Variants in PDE1C observed in about 807,000 individuals in gnomAD.
PDE1C encodes the protein dual specificity calcium/calmodulin-dependent 3',5'-cyclic nucleotide phosphodiesterase 1C.
PDE1C carries 62 observed loss-of-function variants against 93.1 expected under a neutral mutation model. The ratio of observed to expected loss-of-function variants is 0.67; its 90% CI spans 0.54 to 0.82. The LOEUF is 0.82. PDE1C is among the 40% of genes least tolerant of loss of function. The probability of loss-of-function intolerance (pLI) is 0.00; values close to 1 mark genes in which losing one functional copy is unlikely to be tolerated. For missense variants in PDE1C, 742 were observed against 884.6 expected, an observed-to-expected ratio of 0.84 and a Z score of 2.04; for synonymous variants, 325 against 310.1, an observed-to-expected ratio of 1.05 and a Z score of -0.50.
intron 5 of PDE1C, among the ~76,000 whole-genome samples, chr7:31,875,892 T>G (rs1205311713): frequency 7.0e-6 from 1 of 143,432 alleles, no homozygotes; most frequent in Admixed American, 7.1e-5. Context: ...ACTGATTCAT[T>G]ACTATCTTAC....
chr7:32,049,322 C>T (rs953741941), intron 2 of PDE1C, among the ~76,000 whole-genome samples: 3 of 152,150 alleles, frequency 2.0e-5, no homozygotes, highest in African/African-American at 7.2e-5. Flanking sequence ...GACTCGTGCA[C>T]TCTATGCTGC....
intron 8 of PDE1C, among the ~76,000 whole-genome samples, chr7:31,848,513 T>C (rs570813449): frequency 6.6e-6 from 1 of 152,292 alleles, no homozygotes; most frequent in East Asian, 1.9e-4. Flanking sequence ...TCAGAACACA[T>C]ATCACCTGGT....
chr7:32,211,102 G>C (rs186364909), intron 1 of PDE1C, among the ~76,000 whole-genome samples: 134 of 152,190 alleles, frequency 8.8e-4, no homozygotes, highest in Non-Finnish European at 1.6e-3. Context: ...CCAGCTACTC[G>C]GGAGGCTGAG....
At position 31,751,206 on chromosome 7, in the gene PDE1C, G is replaced by A. The variant is rs971858693; in HGVS notation, c.*2178C>T. On this transcript the variant is annotated 3_prime_UTR_variant, in exon 18 of 18. Coordinates refer to ENST00000396191, the MANE Select transcript of PDE1C (RefSeq NM_001191057.4). ...TGTTAAAAGCATCTTTTTATTTGCT[G>A]TAAGAATATAATCTGCATTTCTATA... 6.6e-6 allele frequency: 1 copy of A among 152,124 alleles called. No individual in the cohort carries two copies. The highest frequency in any genetic ancestry group is 2.4e-5 in the African/African-American group (1 of 41,420). The allele number at this position is 152,124 out of a possible 1,614,324, so 9.4% of individuals were successfully genotyped here. A position where few individuals can be genotyped will look rare whatever the true frequency, so the allele number is the denominator to read the frequency against.
intron 3 of PDE1C, among the ~76,000 whole-genome samples, chr7:32,168,784 T>C (rs1490980371): frequency 6.6e-6 from 1 of 152,216 alleles, no homozygotes; most frequent in Non-Finnish European, 1.5e-5. Flanking sequence ...AACTCATCTG[T>C]AATTCAATCA....
At chr7:32,071,052 G>T (rs1457094704), upstream of PDE1C, 2 of 985,484 alleles carry the variant, frequency 2.0e-6, no homozygotes, top group East Asian at 1.1e-4. Flanking sequence ...CTGGTGTCTG[G>T]GCTGTCACCG....
intron 3 of PDE1C, chr7:32,077,788 C>CT: frequency 1.2e-6 from 1 of 856,768 alleles, no homozygotes; most frequent in East Asian, 1.2e-4. Flanking sequence ...CCAGGCTGGT[C>CT]TTTAACTCCT....
At chr7:31,636,731 T>C in the PDE1C span, among the ~76,000 whole-genome samples, 1 of 151,600 alleles carries the variant, frequency 6.6e-6, no homozygotes. Context: ...TTTTTAAAAA[T>C]TTTATTATTA....
chr7:31,655,976 A>G, the PDE1C span: 1 of 985,364 alleles, frequency 1.0e-6, no homozygotes, highest in Non-Finnish European at 1.2e-6. Flanking sequence ...CTATTCCCCT[A>G]AACCACCTCC....
chr7:31,865,031 T>C lies in PDE1C; in HGVS notation c.661A>G (p.Ser221Gly), dbSNP rs747912891. The stretch of plus-strand genomic sequence containing the variant: ...TTATGGTAAGGATTTTTGTGCTTGC[T>C]GTATCCCACTTCCAGGGCCTCCACA... The part of the protein sequence containing the change: ...SFVEALEVGY[S>G]KHKNPYHNLM... Residue 221 changes from serine (S) to glycine (G), a missense_variant, in exon 7 of 18, where the codon AGC (serine) becomes GGC (glycine). Coordinates refer to ENST00000396191, the MANE Select transcript of PDE1C (RefSeq NM_001191057.4). 4 of 1,613,960 alleles carry C rather than the reference T, an allele frequency of 2.5e-6. No homozygotes were observed. Among genetic ancestry groups the C allele is most frequent in the Non-Finnish European group, 2.5e-6 (3 of 1,179,976 alleles).
At chr7:31,645,368 G>T in the PDE1C span, among the ~76,000 whole-genome samples, 1 of 152,140 alleles carries the variant, frequency 6.6e-6, no homozygotes, top group Non-Finnish European at 1.5e-5. Context: ...TTTTTTAATT[G>T]CAAGACTCCC....
chr7:32,205,235 CT>C (rs1805346177), intron 2 of PDE1C, among the ~76,000 whole-genome samples: 1 of 152,224 alleles, frequency 6.6e-6, no homozygotes. Flanking sequence ...TGACCAGCAT[CT>C]GTTCTGATGT....
At chr7:31,774,244 T>A (rs920396939) in intron 17 of PDE1C, among the ~76,000 whole-genome samples, 10 of 152,126 alleles carry the variant, frequency 6.6e-5, no homozygotes, top group Admixed American at 1.3e-4. Flanking sequence ...TCAGAATGGA[T>A]GAAATATGGT....
At chr7:31,950,933 C>T (rs1451021874) in intron 2 of PDE1C, among the ~76,000 whole-genome samples, 1 of 152,170 alleles carries the variant, frequency 6.6e-6, no homozygotes, top group East Asian at 1.9e-4. Context: ...GTGGCTTAAA[C>T]AACAGAACTC....
At chr7:31,643,179 T>A in the PDE1C span, 1 of 1,613,922 alleles carries the variant, frequency 6.2e-7, no homozygotes, top group Non-Finnish European at 8.5e-7. Flanking sequence ...CTGGAAATGA[T>A]CATACTCAAG....
intron 2 of PDE1C, among the ~76,000 whole-genome samples, chr7:31,933,476 T>C (rs1199791256): frequency 6.6e-6 from 1 of 152,214 alleles, no homozygotes; most frequent in Non-Finnish European, 1.5e-5. Flanking sequence ...AGAAACTTTC[T>C]ATTTAAATAA....
the PDE1C span, among the ~76,000 whole-genome samples, chr7:31,654,053 CAAAA>C: frequency 1.5e-4 from 20 of 130,330 alleles, no homozygotes; most frequent in Non-Finnish European, 2.6e-4. Flanking sequence ...AGAGTAAGTC[CAAAA>C]AAAAAAAAAA....
chr7:31,619,873 T>G, the PDE1C span, among the ~76,000 whole-genome samples: 2 of 152,132 alleles, frequency 1.3e-5, no homozygotes, highest in African/African-American at 4.8e-5. Flanking sequence ...GGGTGACAGA[T>G]GGCACCTGGA....
intron 11 of PDE1C, among the ~76,000 whole-genome samples, chr7:31,836,774 C>G (rs904951157): frequency 6.6e-6 from 1 of 152,028 alleles, no homozygotes; most frequent in Non-Finnish European, 1.5e-5. Context: ...TTGGACTTGT[C>G]CATTAGAAAG....
Sources: allele counts gnomAD v4.1 joint callset (sites outside exome capture counted in the v4.1 genomes callset), GRCh38; gene constraint gnomAD v4.1.1; transcripts MANE v1.5; gene names NCBI Gene and HGNC (gene_info 2026-07-23, HGNC 2026-07-21).